Variants in SPAG1 observed in about 807,000 individuals in gnomAD.
The protein encoded by SPAG1 is sperm associated antigen 1.
SPAG1 carries 69 observed loss-of-function variants against 100.5 expected under a neutral mutation model. The observed-to-expected ratio is 0.69, with a 90% CI of 0.57 to 0.84. The LOEUF (loss-of-function observed/expected upper bound fraction) is 0.84, where lower values mean the gene tolerates loss of function less well. Among genes scored for constraint, SPAG1 ranks in the 40% least tolerant of loss-of-function variants. The pLI, the probability that SPAG1 is intolerant of heterozygous loss-of-function variation, is 0.00. For synonymous variants in SPAG1, 336 were observed against 411.6 expected (o/e 0.82, Z 2.22); for missense variants, 955 against 1,133.1 (o/e 0.84, Z 2.26).
intron 7 of SPAG1, among the ~76,000 whole-genome samples, chr8:100,186,160 G>T (rs1816581350): frequency 6.7e-6 from 1 of 148,838 alleles, no homozygotes; most frequent in Non-Finnish European, 1.5e-5. Context: ...CAAACTCCTG[G>T]GCTCCAGGGA....
intron 12 of SPAG1, among the ~76,000 whole-genome samples, chr8:100,216,931 C>CT (rs141365826): frequency 0.013 from 1,081 of 84,146 alleles, 23 homozygotes; most frequent in African/African-American, 0.016. Context: ...TCCATGAGTT[C>CT]TTTTTTTTTT....
intron 7 of SPAG1, 111 bp from the exon 8 acceptor site, chr8:100,187,009 T>C (rs1816613652): frequency 1.0e-6 from 1 of 966,474 alleles, no homozygotes; most frequent in Admixed American, 2.7e-5. Flanking sequence ...GGGGATACAA[T>C]TCAGCCCATA....
chr8:100,183,612 A>G (rs1301016429), intron 5 of SPAG1, among the ~76,000 whole-genome samples, 176 bp downstream of exon 5: 1 of 152,178 alleles, frequency 6.6e-6, no homozygotes, highest in African/African-American at 2.4e-5. Context: ...TTTTCAGTAC[A>G]TAAAAAACTT....
Position 100,239,427 on chromosome 8 carries a change from G to A in SPAG1, c.2280+23G>A. 1 of 1,464,540 alleles carries A rather than the reference G, an allele frequency of 6.8e-7. No homozygotes were observed. Among genetic ancestry groups the A allele is most frequent in the South Asian group, 1.1e-5 (1 of 87,334 alleles). The allele number at this position is 1,464,540 out of a possible 1,614,324, so 90.7% of individuals were successfully genotyped here. A position where few individuals can be genotyped will look rare whatever the true frequency, so the allele number is the denominator to read the frequency against. ...GAGGTATTTGTATTTGATTATCTTT[G>A]AAAGTACTCCTTTGGGGACCTTAGA... On this transcript the variant is annotated intron_variant, in intron 17 of 18. Transcript: ENST00000388798. This position sits in a 1 kb window ranked among gnomAD's most constrained non-coding sequence, Gnocchi z 5.0.
intron 14 of SPAG1, among the ~76,000 whole-genome samples, chr8:100,226,029 CT>C (rs1203381744): frequency 6.7e-6 from 1 of 148,584 alleles, no homozygotes; most frequent in African/African-American, 2.5e-5. Context: ...TGGAGTCTCA[CT>C]TTGATGTCCA....
At chr8:100,160,778 C>A (rs1029397171) in intron 1 of SPAG1, among the ~76,000 whole-genome samples, 2 of 152,102 alleles carry the variant, frequency 1.3e-5, no homozygotes, top group Admixed American at 1.3e-4. Flanking sequence ...TATGGTGAAT[C>A]ACAAAGAATG....
At chr8:100,177,112 G>A (rs1225850222) in intron 3 of SPAG1, among the ~76,000 whole-genome samples, 1 of 151,820 alleles carries the variant, frequency 6.6e-6, no homozygotes, top group African/African-American at 2.4e-5. Context: ...TGCTTCTTGG[G>A]AGCACTTCCA....
Position 100,203,238 on chromosome 8 carries a change from C to T in SPAG1, c.1096+8970C>T, listed in dbSNP as rs149838485. Among the ~76,000 whole-genome samples the T allele has an allele frequency of 4.3e-4, 65 of 152,252 alleles. No homozygotes were observed. In the East Asian group the frequency reaches 0.012, roughly 28 times the overall value. ...CATTAGACTCCAATTTCTTCAGTTT[C>T]GAGACTTGGACTAGCTCTCCTTGCT... On this transcript the variant is annotated intron_variant, in intron 10 of 18. Coordinates refer to ENST00000388798, the MANE Select transcript of SPAG1 (RefSeq NM_003114.5).
At chr8:100,158,063 G>A (rs1261489906), upstream of SPAG1, 1 of 152,394 alleles carries the variant, frequency 6.6e-6, no homozygotes, top group Non-Finnish European at 1.5e-5. Flanking sequence ...CACCTGCAGT[G>A]CAGCCAGAGC....
intron 8 of SPAG1, 115 bp from the exon 9 acceptor site, chr8:100,191,275 T>C (rs1019560967): frequency 1.4e-5 from 9 of 650,622 alleles, no homozygotes; most frequent in African/African-American, 1.3e-4. Context: ...AGTTGAGCTT[T>C]GGGTAATTAC....
At chr8:100,183,560 A>G in intron 5 of SPAG1, 124 bp downstream of exon 5, 1 of 533,186 alleles carries the variant, frequency 1.9e-6, no homozygotes. Flanking sequence ...AATTACTTCA[A>G]TAGAGTACTG....
chr8:100,194,466 C>G, intron 10 of SPAG1, 198 bp downstream of exon 10: 1 of 701,284 alleles, frequency 1.4e-6, no homozygotes, highest in East Asian at 2.7e-5. Context: ...CCTTCTTAAC[C>G]TGTCACCTTT....
chr8:100,237,123 C>T (rs892274227), intron 16 of SPAG1, among the ~76,000 whole-genome samples: 16 of 152,162 alleles, frequency 1.1e-4, no homozygotes, highest in African/African-American at 3.9e-4. Context: ...CTCTGTCACT[C>T]AGGCTGGGGT....
At chr8:100,203,353 T>G (rs1315115527) in intron 10 of SPAG1, among the ~76,000 whole-genome samples, 1 of 152,190 alleles carries the variant, frequency 6.6e-6, no homozygotes, top group Non-Finnish European at 1.5e-5. Flanking sequence ...CTCCTATTAG[T>G]TCTGTCCCTC....
chr8:100,209,443 GAAGAA>G (rs1349758908), intron 10 of SPAG1, among the ~76,000 whole-genome samples: 1 of 146,742 alleles, frequency 6.8e-6, no homozygotes, highest in Non-Finnish European at 1.5e-5. Context: ...AAAAAAAGAA[GAAGAA>G]AAGAGAGTCC....
intron 10 of SPAG1, chr8:100,194,472 C>T (rs1487629710): frequency 3.0e-6 from 2 of 673,534 alleles, no homozygotes; most frequent in Middle Eastern, 4.1e-4. Context: ...TAACCTGTCA[C>T]CTTTTTCTAG....
At position 100,180,056 on chromosome 8, in the gene SPAG1, G is replaced by A. The variant is rs560162888; in HGVS notation, c.426+2115G>A. ...GTGCAAATTAGGTCCAGGCACAGGCGGGCAGTGGCTCATGCCTGTAATTCC... is the reference window on the plus strand; with the variant it reads ...GTGCAAATTAGGTCCAGGCACAGGCAGGCAGTGGCTCATGCCTGTAATTCC... On this transcript the variant is annotated intron_variant, in intron 4 of 18. Transcript: ENST00000388798. Among the ~76,000 whole-genome samples the A allele has an allele frequency of 2.5e-4, 38 of 152,180 alleles. No individual in the cohort carries two copies. In the South Asian group the frequency reaches 6.5e-3, roughly 26 times the overall value.
chr8:100,233,287 T>C, intron 15 of SPAG1, 124 bp from the exon 16 acceptor site: 3 of 1,053,150 alleles, frequency 2.8e-6, no homozygotes, highest in Non-Finnish European at 4.2e-6. Context: ...TAAGTTTCAA[T>C]GGAAACCGCA....
intron 2 of SPAG1, among the ~76,000 whole-genome samples, chr8:100,164,424 T>A (rs551097039): frequency 5.3e-5 from 8 of 152,298 alleles, no homozygotes; most frequent in South Asian, 4.1e-4. Flanking sequence ...GATAAAATTT[T>A]TTTTTATTTT....
Sources: gnomAD v4.1 joint callset for allele counts (sites outside exome capture counted in the v4.1 genomes callset) on GRCh38, gnomAD v4.1.1 for gene constraint, Gnocchi (gnomAD v3.1) non-coding constraint, MANE v1.5 for transcripts, NCBI Gene and HGNC (gene_info 2026-07-23, HGNC 2026-07-21) for gene names.